Variants in TENM1 observed in about 807,000 individuals in gnomAD.
TENM1 encodes the protein teneurin-1.
TENM1 carries 35 observed loss-of-function variants against 174.8 expected under a neutral mutation model. The ratio of observed to expected loss-of-function variants is 0.20; its 90% CI spans 0.15 to 0.27. The LOEUF (loss-of-function observed/expected upper bound fraction) is 0.27. TENM1 is among the 10% of genes least tolerant of loss of function. The pLI is 1.00. For missense variants in TENM1, 1,633 were observed against 2,130.1 expected (o/e 0.77, Z 4.59); for synonymous variants, 781 against 798.7 (o/e 0.98, Z 0.37).
At chrX:124,555,252 A>G (rs754553058) in intron 14 of TENM1, among the ~76,000 whole-genome samples, 115 of 111,735 alleles carry the variant, frequency 1.0e-3, no homozygotes, top group Admixed American at 5.1e-3. Flanking sequence ...CTCAGGGCAT[A>G]TATACATGCT....
At chrX:124,866,698 GA>G (rs2057014610) in intron 3 of TENM1, among the ~76,000 whole-genome samples, 1 of 110,603 alleles carries the variant, frequency 9.0e-6, no homozygotes, top group Admixed American at 9.6e-5. Flanking sequence ...AAACTGAAAT[GA>G]AAAACAATAC....
chrX:124,710,819 A>C (rs2053030293), intron 4 of TENM1, among the ~76,000 whole-genome samples: 1 of 112,323 alleles, frequency 8.9e-6, no homozygotes, highest in African/African-American at 3.2e-5. Context: ...ACCATGAAAA[A>C]GAGCAATGCA....
At chrX:124,742,956 G>C (rs1364956018) in intron 3 of TENM1, among the ~76,000 whole-genome samples, 4 of 111,208 alleles carry the variant, frequency 3.6e-5, no homozygotes, top group Non-Finnish European at 5.7e-5. Flanking sequence ...GGGGTAAAAG[G>C]AAACAGGCTT....
At chrX:124,629,587 A>G in intron 11 of TENM1, among the ~76,000 whole-genome samples, 1 of 112,419 alleles carries the variant, frequency 8.9e-6, no homozygotes, top group East Asian at 2.8e-4. Context: ...CACATATGTT[A>G]TCTCATTTAA....
rs1412002757 is a variant in TENM1, at chrX:124,795,639, T to C, written c.536-58442A>G. Among the ~76,000 whole-genome samples, 4 of 111,468 alleles carry C rather than the reference T, an allele frequency of 3.6e-5. No individual in the cohort carries two copies. In the East Asian group the frequency reaches 1.1e-3, roughly 31 times the overall value. ...CTTTCTATTGAAGTAGTAAGTTCAGTCACCTCTTTTAATTCAGAAAAAAAC... is the reference window on the plus strand; with the variant it reads ...CTTTCTATTGAAGTAGTAAGTTCAGCCACCTCTTTTAATTCAGAAAAAAAC... On this transcript the variant is annotated intron_variant, in intron 3 of 31. Coordinates refer to ENST00000422452, the Ensembl canonical transcript of TENM1.
At chrX:124,789,009 T>C (rs915860861) in intron 3 of TENM1, among the ~76,000 whole-genome samples, 1 of 112,492 alleles carries the variant, frequency 8.9e-6, no homozygotes, top group African/African-American at 3.2e-5. Flanking sequence ...AGCAAGCTTC[T>C]ACCTGGATAT....
intron 11 of TENM1, among the ~76,000 whole-genome samples, chrX:124,616,027 T>C (rs756417524): frequency 1.8e-5 from 2 of 113,047 alleles, no homozygotes; most frequent in South Asian, 3.6e-4. Flanking sequence ...CTTGTCACTA[T>C]GATAAGGAAA....
chrX:124,440,464 C>T (rs2060891009), intron 23 of TENM1, among the ~76,000 whole-genome samples: 1 of 111,483 alleles, frequency 9.0e-6, no homozygotes, highest in Non-Finnish European at 1.9e-5. Context: ...ATTTAATTAG[C>T]CTTCATAAGG....
intron 22 of TENM1, among the ~76,000 whole-genome samples, chrX:124,454,006 A>G: frequency 8.9e-6 from 1 of 111,771 alleles, no homozygotes; most frequent in Non-Finnish European, 1.9e-5. Flanking sequence ...CATATTATCT[A>G]TTAAAAGGGG....
chrX:125,064,525 A>T, the TENM1 span, among the ~76,000 whole-genome samples: 1 of 111,618 alleles, frequency 9.0e-6, no homozygotes, highest in Admixed American at 9.5e-5. Context: ...AACTCATTTT[A>T]AGAGGGGATA....
chrX:124,807,894 CA>C (rs2055653433), intron 3 of TENM1, among the ~76,000 whole-genome samples: 2 of 109,254 alleles, frequency 1.8e-5, no homozygotes, highest in Non-Finnish European at 3.8e-5. Context: ...CACACACACA[CA>C]CACACACACA....
At chrX:124,565,513 T>A (rs2048921258) in exon 12 of TENM1, 1 of 1,208,469 alleles carries the variant, frequency 8.3e-7, no homozygotes, top group Admixed American at 2.2e-5. Flanking sequence ...CACTGGCAAA[T>A]TCCTCTTGAG....
At chrX:124,929,338 C>T (rs533090575) in intron 1 of TENM1, among the ~76,000 whole-genome samples, 1 of 111,693 alleles carries the variant, frequency 9.0e-6, no homozygotes, top group African/African-American at 3.3e-5. Flanking sequence ...TTGTTTATGC[C>T]TGTTCTAATA....
At chrX:124,957,229 GGATGGATGAAT>G (rs1437649151) in intron 1 of TENM1, among the ~76,000 whole-genome samples, 1 of 110,272 alleles carries the variant, frequency 9.1e-6, no homozygotes, top group Non-Finnish European at 1.9e-5. Context: ...ATGGTTGGAT[GGATGGATGAAT>G]GGATGACAGA....
At chrX:124,667,203 T>C (rs1055144014) in intron 6 of TENM1, among the ~76,000 whole-genome samples, 4 of 111,857 alleles carry the variant, frequency 3.6e-5, no homozygotes, top group Non-Finnish European at 7.5e-5. Flanking sequence ...ATTTTATTTA[T>C]AGACATTATA....
chrX:124,491,523 TTA>T (rs1175378318), intron 20 of TENM1, among the ~76,000 whole-genome samples: 1 of 111,857 alleles, frequency 8.9e-6, no homozygotes, highest in Non-Finnish European at 1.9e-5. Context: ...TCCTTCTTTA[TTA>T]TCTTACCTCA....
intron 5 of TENM1, among the ~76,000 whole-genome samples, chrX:124,694,210 C>T (rs2052596831): frequency 1.8e-5 from 2 of 111,531 alleles, no homozygotes; most frequent in African/African-American, 6.5e-5. Flanking sequence ...GTAGCCATTG[C>T]TCTCATATGC....
the TENM1 span, among the ~76,000 whole-genome samples, chrX:125,063,317 A>G: frequency 2.7e-5 from 3 of 112,194 alleles, no homozygotes; most frequent in African/African-American, 9.7e-5. Flanking sequence ...CTAACTTGTT[A>G]TAACATGTGT....
At chrX:124,706,026 C>T in intron 4 of TENM1, among the ~76,000 whole-genome samples, 2 of 111,535 alleles carry the variant, frequency 1.8e-5, no homozygotes, top group African/African-American at 6.5e-5. Flanking sequence ...CTACCTCAGC[C>T]TCCTGAGTAG....
Sources: gnomAD v4.1 joint callset for allele counts (sites outside exome capture counted in the v4.1 genomes callset) on GRCh38, gnomAD v4.1.1 for gene constraint, MANE v1.5 for transcripts, NCBI Gene and HGNC (gene_info 2026-07-23, HGNC 2026-07-21) for gene names.